ARMC6: variants seen among roughly 807,000 people sequenced by gnomAD.
ARMC6 encodes the protein armadillo repeat containing 6.
In ARMC6, 43 loss-of-function variants were observed where a neutral mutation model predicts 49.2. The ratio of observed to expected loss-of-function variants is 0.87; its 90% CI spans 0.69 to 1.13. The LOEUF (loss-of-function observed/expected upper bound fraction) is 1.13, where lower values mean the gene tolerates loss of function less well. Ranked by LOEUF, ARMC6 falls within the 50% of genes most tolerant of loss-of-function variation. ARMC6 has a pLI of 0.00. For synonymous variants in ARMC6, 262 were observed against 289.6 expected, an observed-to-expected ratio of 0.90 and a Z score of 0.97; for missense variants, 627 against 682.0, an observed-to-expected ratio of 0.92 and a Z score of 0.90.
At chr19:19,037,855 T>G in intron 2 of ARMC6, 3 of 313,870 alleles carry the variant, frequency 9.6e-6, no homozygotes, top group Non-Finnish European at 1.6e-5. Flanking sequence ...GTTAAGATCA[T>G]CTACAGCAGG....
rs747332667 is a variant in ARMC6 at position 19,042,742 on chromosome 19, TCAA to T, written c.64_66del (p.Thr22del). 4 of 1,613,714 alleles carry T rather than the reference TCAA, an allele frequency of 2.5e-6. No homozygotes were observed. The highest frequency in any genetic ancestry group is 3.3e-5 in the Admixed American group (2 of 60,022). On this transcript the variant is annotated inframe_deletion, in exon 3 of 9. Coordinates refer to ENST00000535612, the MANE Select transcript of ARMC6 (RefSeq NM_001199196.2). ...AGCATCTATCGGCTGCACGCCAACATCAACACAGGCGAAGATGGTCTCCAAGCG... is the reference window on the plus strand; with the variant it reads ...AGCATCTATCGGCTGCACGCCAACATCACAGGCGAAGATGGTCTCCAAGCG...
chr19:19,049,059 ATTTT>A (rs67876712), intron 4 of ARMC6, among the ~76,000 whole-genome samples: 2 of 124,960 alleles, frequency 1.6e-5, no homozygotes, highest in African/African-American at 3.1e-5. Flanking sequence ...GAGGACTTAG[ATTTT>A]TTTTTTTTTT....
At position 19,052,076 on chromosome 19, in the gene ARMC6, C is replaced by CTTGA; in HGVS notation, c.734_735insTTGA (p.Leu246Ter). ...GACGTGGTCAGGGAAGCCTGCTGGG[C>CTTGA]CCTGCGTGTCATGACCTTCGATGAC... On this transcript the variant is annotated stop_gained and frameshift_variant, in exon 5 of 9. Transcript: ENST00000535612. LOFTEE classifies it high-confidence loss of function. 5.0e-6 allele frequency: 8 copies of CTTGA among 1,613,944 alleles called. No homozygotes were observed. The highest frequency in any genetic ancestry group is 6.8e-6 in the Non-Finnish European group (8 of 1,180,042).
chr19:19,037,745 T>A, intron 2 of ARMC6: 1 of 1,073,988 alleles, frequency 9.3e-7, no homozygotes, highest in South Asian at 1.7e-5. Flanking sequence ...AAAAAGTTGT[T>A]AACCTCTGTT....
chr19:19,051,369 CTCTCTCTGTG>C (rs1336916958), intron 4 of ARMC6, among the ~76,000 whole-genome samples: 8 of 129,322 alleles, frequency 6.2e-5, no homozygotes, highest in African/African-American at 2.7e-4. Context: ...ATCTCTCTCT[CTCTCTCTGTG>C]TGTGTGTGTG....
chr19:19,046,827 A>G lies in ARMC6; in HGVS notation c.279+2753A>G, dbSNP rs1057407596. On this transcript the variant is annotated intron_variant, in intron 4 of 8. Coordinates refer to ENST00000535612, the MANE Select transcript of ARMC6 (RefSeq NM_001199196.2). ...TGTTTTGTAGAGATGGGATCTTGCT[A>G]TATTGCCCAGGATGATCTTGAACAC... 2.7e-5 allele frequency among the ~76,000 whole-genome samples: 4 copies of G among 149,396 alleles called. No individual in the cohort carries two copies. In the East Asian group the frequency reaches 7.9e-4, roughly 30 times the overall value.
rs1446004712 is a variant in ARMC6 at position 19,055,294 on chromosome 19, G to A, written c.1053G>A (p.Leu351=). Residue 351 remains leucine, a synonymous_variant, in exon 7 of 9, where the codon CTG becomes CTA. Coordinates refer to ENST00000535612, the MANE Select transcript of ARMC6 (RefSeq NM_001199196.2). This position sits in a 1 kb window ranked among gnomAD's most constrained non-coding sequence, Gnocchi z 5.7. ...QELVKQVLST[L]RAIAGNDDVK... ...TCGTGAAGCAAGTGCTGAGCACCCT[G>A]CGAGCCATCGCAGGCAACGACGACG... The A allele has an allele frequency of 3.1e-6, 5 of 1,611,478 alleles. No individual in the cohort carries two copies. Among genetic ancestry groups the A allele is most frequent in the Non-Finnish European group, 4.2e-6 (5 of 1,178,562 alleles).
At chr19:19,037,447 G>T (rs1473911500) in intron 2 of ARMC6, 3 of 332,578 alleles carry the variant, frequency 9.0e-6, no homozygotes, top group African/African-American at 6.9e-5. Flanking sequence ...TATGATCTCA[G>T]CTCACTGCAG....
Position 19,052,316 on chromosome 19 carries a change from C to T in ARMC6, c.853+121C>T, listed in dbSNP as rs577090837. On this transcript the variant is annotated intron_variant, in intron 5 of 8. Coordinates refer to ENST00000535612, the MANE Select transcript of ARMC6 (RefSeq NM_001199196.2). ...CAGGCTCAAGGCTCCACTCGCCCCT[C>T]GGCTTAGACCTGCCTGCATGGCAGC... 1.0e-4 allele frequency: 93 copies of T among 900,596 alleles called. No homozygotes were observed. In the East Asian group the frequency reaches 2.2e-3, roughly 22 times the overall value. 55.8% of individuals were successfully genotyped at this position (900,596 alleles called of 1,614,324 possible).
At chr19:19,039,978 CAAATT>C (rs1480299576) in intron 2 of ARMC6, among the ~76,000 whole-genome samples, 1 of 152,166 alleles carries the variant, frequency 6.6e-6, no homozygotes, top group Non-Finnish European at 1.5e-5. Flanking sequence ...TTTACATTAA[CAAATT>C]AAAATGAAAT....
rs774262935 is a variant in ARMC6 at position 19,055,358 on chromosome 19, A to G, written c.1117A>G (p.Ile373Val). The G allele has an allele frequency of 6.2e-7, 1 of 1,612,906 alleles. No individual in the cohort carries two copies. The highest frequency in any genetic ancestry group is 8.5e-7 in the Non-Finnish European group (1 of 1,179,430). Reference sequence around the variant, plus strand: ...TGTCCGTGCTGGTGGGACGGAGTCCATCGTGGCTGCTATGACCCAGCATCT... The same window carrying G: ...TGTCCGTGCTGGTGGGACGGAGTCCGTCGTGGCTGCTATGACCCAGCATCT... ...AIVRAGGTES[I>V]VAAMTQHLTS... The change falls in exon 7 of 9, where the codon ATC becomes GTC. Residue 373 changes from isoleucine to valine, a missense_variant. Ile to Val is a conservative substitution (Grantham distance 29, BLOSUM62 3). Coordinates refer to ENST00000535612, the MANE Select transcript of ARMC6 (RefSeq NM_001199196.2). This position sits in a 1 kb window ranked among gnomAD's most constrained non-coding sequence, Gnocchi z 5.7.
chr19:19,056,080 G>A (rs1006772142), intron 8 of ARMC6, 152 bp downstream of exon 8: 7 of 872,730 alleles, frequency 8.0e-6, no homozygotes, highest in Admixed American at 3.4e-5. Flanking sequence ...TCCCACAGCC[G>A]AGCCCCATAG....
intron 4 of ARMC6, among the ~76,000 whole-genome samples, chr19:19,048,210 G>T (rs1355566408): frequency 6.6e-6 from 1 of 152,188 alleles, no homozygotes; most frequent in Non-Finnish European, 1.5e-5. Context: ...ACCGGGCATG[G>T]TGGCAGGTGC....
chr19:19,037,773 C>T (rs911375876), intron 2 of ARMC6: 25 of 843,222 alleles, frequency 3.0e-5, no homozygotes, highest in Admixed American at 9.9e-5. Context: ...GGACCTAAGG[C>T]CTGTTCCTCC....
intron 4 of ARMC6, among the ~76,000 whole-genome samples, chr19:19,049,252 C>T (rs1021410602): frequency 6.6e-6 from 1 of 151,908 alleles, no homozygotes; most frequent in African/African-American, 2.4e-5. Context: ...AGGGTTTTAC[C>T]ACGTTGCCCA....
intron 8 of ARMC6, among the ~76,000 whole-genome samples, chr19:19,056,898 A>G (rs2059549543): frequency 6.6e-6 from 1 of 152,210 alleles, no homozygotes; most frequent in Non-Finnish European, 1.5e-5. Context: ...CACCCTGGCC[A>G]GCAGTTCCCC....
chr19:19,037,333 C>T (rs2059378819), intron 2 of ARMC6, among the ~76,000 whole-genome samples: 1 of 151,338 alleles, frequency 6.6e-6, no homozygotes, highest in Non-Finnish European at 1.5e-5. Flanking sequence ...TCCCATGCCA[C>T]TGCCTGAAAA....
chr19:19,037,121 G>A (rs959373034), intron 2 of ARMC6, among the ~76,000 whole-genome samples: 10 of 152,168 alleles, frequency 6.6e-5, no homozygotes, highest in Non-Finnish European at 1.2e-4. Flanking sequence ...GGAGGCAGAG[G>A]TTGTGGTGAG....
At position 19,041,879 on chromosome 19, in the gene ARMC6, C is replaced by T. The variant is rs116106437; in HGVS notation, c.30-832C>T. On this transcript the variant is annotated intron_variant, in intron 2 of 8. Transcript: ENST00000535612. ...CAATATTGTTAATTATAGGGAGTTC[C>T]GAGTTTTTAGTTGATAGTACGATGT... Among the ~76,000 whole-genome samples the T allele has an allele frequency of 1.0e-3, 159 of 151,936 alleles. 2 individuals are homozygous for T. The highest frequency in any genetic ancestry group is 3.5e-3 in the African/African-American group (145 of 41,422).
Sources: allele counts gnomAD v4.1 joint callset (sites outside exome capture counted in the v4.1 genomes callset), GRCh38; gene constraint gnomAD v4.1.1; non-coding constraint Gnocchi (gnomAD v3.1); transcripts MANE v1.5; gene names NCBI Gene and HGNC (gene_info 2026-07-23, HGNC 2026-07-21).